Variants in EFCAB5 observed in about 807,000 individuals in gnomAD.
EFCAB5 encodes EF-hand calcium-binding domain-containing protein 5.
In EFCAB5, 131 loss-of-function variants were observed where a neutral mutation model predicts 167.9. That is an observed-to-expected ratio of 0.78 (90% confidence interval 0.68 to 0.90). The LOEUF (loss-of-function observed/expected upper bound fraction) is 0.90, where lower values mean the gene tolerates loss of function less well. Among genes scored for constraint, EFCAB5 ranks in the 40% least tolerant of loss-of-function variants. The pLI is 0.00. For synonymous variants in EFCAB5, 574 were observed against 602.8 expected (o/e 0.95, Z 0.70); for missense variants, 1,663 against 1,745.2 (o/e 0.95, Z 0.84).
chr17:30,080,174 G>A lies in EFCAB5; in HGVS notation c.3130G>A (p.Ala1044Thr). 6.2e-7 allele frequency: 1 copy of A among 1,613,818 alleles called. No homozygotes were observed. The highest frequency in any genetic ancestry group is 8.5e-7 in the Non-Finnish European group (1 of 1,179,806). ...AGGGAATGTTCTATTGAGGAATGTG[G>A]CTTGTACCTTAGATGATGCTCAATT... ...EKGNVLLRNVACTLDDAQFVL... is the reference protein window; with the variant it reads ...EKGNVLLRNVTCTLDDAQFVL... Residue 1044 changes from alanine to threonine, a missense_variant, in exon 16 of 23, where the codon GCT becomes ACT. Transcript: ENST00000394835.
At chr17:30,001,559 C>T (rs2068661865) in intron 7 of EFCAB5, among the ~76,000 whole-genome samples, 1 of 152,020 alleles carries the variant, frequency 6.6e-6, no homozygotes, top group South Asian at 2.1e-4. Flanking sequence ...TTGCTTAAGA[C>T]CAGGAGTTTG....
intron 16 of EFCAB5, 109 bp downstream of exon 16, chr17:30,080,350 AGT>A (rs2070960542): frequency 2.5e-6 from 3 of 1,186,156 alleles, no homozygotes; most frequent in South Asian, 3.7e-5. Context: ...AGGTGCCTCA[AGT>A]CACCAGTGCT....
intron 1 of EFCAB5, among the ~76,000 whole-genome samples, chr17:29,933,156 G>C (rs964351259): frequency 9.9e-5 from 15 of 152,216 alleles, no homozygotes; most frequent in African/African-American, 3.6e-4. Context: ...TTAGAGCGTA[G>C]CTTAGTGGTA....
At chr17:30,050,963 A>C (rs28374297) in intron 8 of EFCAB5, among the ~76,000 whole-genome samples, 155 bp from the exon 9 acceptor site, 1 of 152,238 alleles carries the variant, frequency 6.6e-6, no homozygotes, top group Non-Finnish European at 1.5e-5. Context: ...AAGGCAAGAT[A>C]TAACTTTCTT....
At chr17:29,960,329 C>A (rs563781958) in intron 3 of EFCAB5, among the ~76,000 whole-genome samples, 3 of 152,244 alleles carry the variant, frequency 2.0e-5, no homozygotes, top group South Asian at 4.1e-4. Context: ...TATGAAGGTG[C>A]TTTCTTGTGT....
chr17:29,977,306 A>G (rs185066112), intron 4 of EFCAB5, among the ~76,000 whole-genome samples: 10 of 152,320 alleles, frequency 6.6e-5, no homozygotes, highest in Admixed American at 5.9e-4. Flanking sequence ...TCATAAAACT[A>G]TGTGCCAAAG....
intron 1 of EFCAB5, chr17:29,930,056 G>T: frequency 6.7e-7 from 1 of 1,501,268 alleles, no homozygotes; most frequent in Admixed American, 1.9e-5. Flanking sequence ...TGTGGGGGAC[G>T]GGAGGGTGAC....
intron 3 of EFCAB5, 122 bp downstream of exon 3, chr17:29,943,771 C>T (rs905092871): frequency 3.4e-5 from 22 of 649,782 alleles, no homozygotes; most frequent in Non-Finnish European, 4.8e-5. Flanking sequence ...GTCAGGAGTT[C>T]GAAACCAGCC....
rs891146996 is a variant in EFCAB5 at position 29,987,294 on chromosome 17, C to T, written c.768-5871C>T. On this transcript the variant is annotated intron_variant, in intron 4 of 22. Transcript: ENST00000394835. ...GCGTCAGTCTTGATATGTCTGCAAC[C>T]GGTGGGTCTTTGGGATCTTCCCAAA... Among the ~76,000 whole-genome samples, 24 of 152,212 alleles carry T rather than the reference C, an allele frequency of 1.6e-4. 1 individual carries two copies. The highest frequency in any genetic ancestry group is 1.2e-3 in the South Asian group (6 of 4,812).
chr17:29,958,945 A>G (rs1220723560), intron 3 of EFCAB5, among the ~76,000 whole-genome samples: 1 of 152,176 alleles, frequency 6.6e-6, no homozygotes, highest in Non-Finnish European at 1.5e-5. Flanking sequence ...CGGGATTACC[A>G]GGCAGAGACT....
rs2067904111 is a variant in EFCAB5, at chr17:29,969,386, T to C, written c.767+19T>C. The C allele has an allele frequency of 6.5e-7, 1 of 1,533,676 alleles. No homozygotes were observed. The highest frequency in any genetic ancestry group is 1.3e-5 in the South Asian group (1 of 76,300). On this transcript the variant is annotated intron_variant, in intron 4 of 22. Transcript: ENST00000394835. ...GCAACAGGTACAATCTGTTATAGTT[T>C]CAGTTCATGATCTGTCTCCTTACAT...
chr17:30,082,603 C>A (rs2071010955), intron 17 of EFCAB5, among the ~76,000 whole-genome samples: 1 of 151,998 alleles, frequency 6.6e-6, no homozygotes, highest in Admixed American at 6.6e-5. Context: ...GTTGGCCAGG[C>A]TGGTCTCAGA....
At chr17:29,984,530 C>T (rs1005091060) in intron 4 of EFCAB5, among the ~76,000 whole-genome samples, 2 of 151,892 alleles carry the variant, frequency 1.3e-5, no homozygotes, top group African/African-American at 4.8e-5. Flanking sequence ...CCAGCCTGGC[C>T]AACTTGGTGA....
chr17:29,993,161 G>T lies in EFCAB5; in HGVS notation c.768-4G>T, dbSNP rs1483458917. 6.2e-7 allele frequency: 1 copy of T among 1,605,528 alleles called. No homozygotes were observed. The highest frequency in any genetic ancestry group is 1.7e-5 in the Admixed American group (1 of 58,918). ...AACATGTTTTCTATATCTACATCCT[G>T]CAGAGTATCCAAGATGAAGGAGAAT... On this transcript the variant is annotated splice_region_variant and splice_polypyrimidine_tract_variant and intron_variant, in intron 4 of 22. Coordinates refer to ENST00000394835, the MANE Select transcript of EFCAB5 (RefSeq NM_198529.4).
chr17:29,999,623 T>C (rs2068619606), intron 6 of EFCAB5, among the ~76,000 whole-genome samples: 1 of 152,144 alleles, frequency 6.6e-6, no homozygotes, highest in Non-Finnish European at 1.5e-5. Flanking sequence ...TTTTGTAGCC[T>C]TTTATACTAT....
chr17:30,104,241 T>A (rs2071417204), intron 22 of EFCAB5, among the ~76,000 whole-genome samples: 1 of 152,238 alleles, frequency 6.6e-6, no homozygotes. Flanking sequence ...TACTTGAAGC[T>A]TAAGTACTTC....
At chr17:30,039,415 C>A (rs143823044) in intron 8 of EFCAB5, among the ~76,000 whole-genome samples, 4 of 152,242 alleles carry the variant, frequency 2.6e-5, no homozygotes, top group Non-Finnish European at 5.9e-5. Flanking sequence ...TCAGTGTAAC[C>A]AAATCAGATT....
intron 22 of EFCAB5, among the ~76,000 whole-genome samples, chr17:30,097,041 TACATATAC>T (rs1390161933): frequency 0.058 from 6,457 of 111,850 alleles, 189 homozygotes; most frequent in African/African-American, 0.098. Flanking sequence ...CATATACATA[TACATATAC>T]ATATATATAT....
chr17:30,088,878 G>C (rs1327783327), intron 19 of EFCAB5, among the ~76,000 whole-genome samples: 3 of 152,224 alleles, frequency 2.0e-5, no homozygotes, highest in African/African-American at 7.2e-5. Flanking sequence ...TCCTTGTGCT[G>C]GTCAAAAGTT....
Sources: allele counts gnomAD v4.1 joint callset (sites outside exome capture counted in the v4.1 genomes callset), GRCh38; gene constraint gnomAD v4.1.1; transcripts MANE v1.5; gene names NCBI Gene and HGNC (gene_info 2026-07-23, HGNC 2026-07-21).